DIP2C: variants seen among roughly 807,000 people sequenced by gnomAD.
DIP2C encodes the protein DIP2 acetate--CoA ligase C (putative).
In DIP2C, 33 loss-of-function variants were observed where a neutral mutation model predicts 192.4. That is an observed-to-expected ratio of 0.17 (90% CI 0.13 to 0.23). The LOEUF is 0.23. Ranked by LOEUF, DIP2C falls within the 10% of genes least tolerant of loss-of-function variation. The pLI, the probability that DIP2C is intolerant of heterozygous loss-of-function variation, is 1.00. For synonymous variants in DIP2C, 979 were observed against 864.1 expected (o/e 1.13, Z -2.33); for missense variants, 1,537 against 2,110.1 (o/e 0.73, Z 5.32).
rs186503640 is a variant in DIP2C, at chr10:385,814, C to T, written c.1663-1175G>A. Among the ~76,000 whole-genome samples, 50 of 152,226 alleles carry T rather than the reference C, an allele frequency of 3.3e-4. No individual in the cohort carries two copies. In the East Asian group the frequency reaches 8.7e-3, roughly 27 times the overall value. ...TACGGGGTGGGGGCAGACGAGAGGG[C>T]AGAGACCCCTCTGCCACTGGCTCGA... On this transcript the variant is annotated intron_variant, in intron 14 of 36. Coordinates refer to ENST00000280886, the MANE Select transcript of DIP2C (RefSeq NM_014974.3).
Position 370,342 on chromosome 10 carries a change from T to C in DIP2C, c.1992-709A>G, listed in dbSNP as rs186778136. Among the ~76,000 whole-genome samples, 74 of 152,308 alleles carry C rather than the reference T, an allele frequency of 4.9e-4. 2 individuals carry two copies. The East Asian group carries it at 0.014, about 28-fold the overall frequency. On this transcript the variant is annotated intron_variant, in intron 17 of 36. Coordinates refer to ENST00000280886, the MANE Select transcript of DIP2C (RefSeq NM_014974.3). Reference sequence around the variant, plus strand: ...CACCTCCTCTGCCGGACACCCCAGCTTGCTCCCGCCTTGGGGCTTCTGTGC... The same window carrying C: ...CACCTCCTCTGCCGGACACCCCAGCCTGCTCCCGCCTTGGGGCTTCTGTGC...
At chr10:639,152 G>A (rs977634161) in intron 1 of DIP2C, among the ~76,000 whole-genome samples, 171 of 150,232 alleles carry the variant, frequency 1.1e-3, no homozygotes, top group Admixed American at 0.011. Context: ...GCGTCAGGTC[G>A]GGAGGGTGCT....
At chr10:603,314 AAAAAAAAAAAAAAAAAAAAC>A (rs1449849076) in intron 1 of DIP2C, among the ~76,000 whole-genome samples, 1 of 130,728 alleles carries the variant, frequency 7.6e-6, no homozygotes, top group African/African-American at 3.0e-5. Flanking sequence ...AAAAAAAAAA[AAAAAAAAAAAAAAAAAAAAC>A]CAACCATGAG....
At chr10:283,153 C>G (rs1478689490) in intron 35 of DIP2C, 119 bp downstream of exon 35, 1 of 1,357,020 alleles carries the variant, frequency 7.4e-7, no homozygotes, top group Non-Finnish European at 1.0e-6. Flanking sequence ...TGGGTTGTAG[C>G]TAGCACACGT....
intron 3 of DIP2C, among the ~76,000 whole-genome samples, chr10:468,012 A>C (rs1415425572): frequency 6.6e-6 from 1 of 152,206 alleles, no homozygotes; most frequent in Admixed American, 6.5e-5. Context: ...GCTCTACTGC[A>C]AGATGAGTGG....
chr10:551,456 G>A (rs1035864368), intron 1 of DIP2C, among the ~76,000 whole-genome samples: 1 of 152,156 alleles, frequency 6.6e-6, no homozygotes, highest in African/African-American at 2.4e-5. Flanking sequence ...GGCCCCCGAG[G>A]CCAATAACCT....
intron 2 of DIP2C, among the ~76,000 whole-genome samples, chr10:481,813 G>A (rs540280401): frequency 3.5e-4 from 54 of 152,268 alleles, no homozygotes; most frequent in South Asian, 6.2e-4. Context: ...TCAGTGGGGC[G>A]GGGGGAAGTG....
intron 33 of DIP2C, 135 bp downstream of exon 33, chr10:288,229 T>C: frequency 1.2e-6 from 1 of 845,370 alleles, no homozygotes; most frequent in Non-Finnish European, 1.9e-6. Context: ...TGAGTTTCTA[T>C]ACTCACTGAT....
intron 30 of DIP2C, among the ~76,000 whole-genome samples, chr10:327,494 G>A (rs1349753207): frequency 1.3e-5 from 2 of 152,190 alleles, no homozygotes; most frequent in Non-Finnish European, 2.9e-5. Context: ...GGCCGTTCGG[G>A]AAAAGAGAGC....
chr10:488,087 A>C (rs757619433), intron 1 of DIP2C, among the ~76,000 whole-genome samples: 11 of 152,222 alleles, frequency 7.2e-5, no homozygotes, highest in Non-Finnish European at 1.5e-4. Flanking sequence ...ATTTAAATCG[A>C]GCCCCCAGTC....
chr10:484,558 G>A (rs1043099095), intron 2 of DIP2C, among the ~76,000 whole-genome samples: 8 of 152,180 alleles, frequency 5.3e-5, no homozygotes, highest in South Asian at 2.1e-4. Flanking sequence ...TAAAAGCAAC[G>A]TTCTACTTCA....
intron 1 of DIP2C, among the ~76,000 whole-genome samples, chr10:618,271 T>G (rs1163532678): frequency 6.6e-6 from 1 of 152,230 alleles, no homozygotes; most frequent in African/African-American, 2.4e-5. Flanking sequence ...AGAAACAGGT[T>G]TTTTTCTGGC....
At chr10:520,945 G>C (rs1285143961) in intron 1 of DIP2C, among the ~76,000 whole-genome samples, 1 of 152,162 alleles carries the variant, frequency 6.6e-6, no homozygotes, top group Non-Finnish European at 1.5e-5. Flanking sequence ...TTGACGTTAA[G>C]TTTTAAATTC....
At chr10:370,939 T>C (rs996297812) in intron 17 of DIP2C, among the ~76,000 whole-genome samples, 2 of 152,328 alleles carry the variant, frequency 1.3e-5, no homozygotes, top group African/African-American at 4.8e-5. Context: ...AAAAGAATTA[T>C]TCTAGATGTA....
In DIP2C at chr10:468,843, G is replaced by A. The variant is rs146833182; in HGVS notation, c.268+3596C>T. Among the ~76,000 whole-genome samples the A allele has an allele frequency of 1.8e-3, 280 of 152,326 alleles. 3 individuals are homozygous for A. Among genetic ancestry groups the A allele is most frequent in the African/African-American group, 6.5e-3 (270 of 41,578 alleles). ...ACAACGGCATCCATGGAGTAATAGT[G>A]CTTTCCATTATATCTCAAATAAATG... On this transcript the variant is annotated intron_variant, in intron 3 of 36. Coordinates refer to ENST00000280886, the MANE Select transcript of DIP2C (RefSeq NM_014974.3).
chr10:684,332 T>C (rs1484216728), intron 1 of DIP2C, among the ~76,000 whole-genome samples: 1 of 152,236 alleles, frequency 6.6e-6, no homozygotes, highest in Non-Finnish European at 1.5e-5. Flanking sequence ...GACGACTTGA[T>C]ACTTAGTTAT....
intron 1 of DIP2C, among the ~76,000 whole-genome samples, chr10:571,442 C>T (rs759059414): frequency 1.3e-5 from 2 of 151,524 alleles, no homozygotes; most frequent in South Asian, 2.1e-4. Context: ...CTGCCCACTG[C>T]CCTCTCTCTT....
At chr10:557,642 G>A (rs1172039146) in intron 1 of DIP2C, among the ~76,000 whole-genome samples, 2 of 113,692 alleles carry the variant, frequency 1.8e-5, no homozygotes, top group Non-Finnish European at 3.6e-5. Context: ...CCCAATACAG[G>A]GTGGTGAGTG....
chr10:395,679 G>C (rs909878117), intron 10 of DIP2C, among the ~76,000 whole-genome samples: 2 of 152,218 alleles, frequency 1.3e-5, no homozygotes, highest in Non-Finnish European at 2.9e-5. Context: ...TATTGGCACA[G>C]AGAGGGCAAG....
Sources: allele counts gnomAD v4.1 joint callset (sites outside exome capture counted in the v4.1 genomes callset), GRCh38; gene constraint gnomAD v4.1.1; transcripts MANE v1.5; gene names NCBI Gene and HGNC (gene_info 2026-07-23, HGNC 2026-07-21).